Variants in OSBPL11 observed in about 807,000 individuals in gnomAD.
OSBPL11 encodes the protein oxysterol binding protein like 11, also known as oxysterol-binding protein-related protein 11.
A neutral mutation model predicts 84.4 loss-of-function variants in OSBPL11; 33 were observed. The observed-to-expected ratio is 0.39, with a 90% CI of 0.30 to 0.52. The LOEUF (loss-of-function observed/expected upper bound fraction) is 0.52, where lower values mean the gene tolerates loss of function less well. Ranked by LOEUF, OSBPL11 falls within the 20% of genes least tolerant of loss-of-function variation. The pLI, the probability that OSBPL11 is intolerant of heterozygous loss-of-function variation, is 0.72. For synonymous variants in OSBPL11, 276 were observed against 310.2 expected (o/e 0.89, Z 1.16); for missense variants, 736 against 901.1 (o/e 0.82, Z 2.35).
At chr3:125,574,033 C>T (rs1936280303) in intron 5 of OSBPL11, among the ~76,000 whole-genome samples, 1 of 152,106 alleles carries the variant, frequency 6.6e-6, no homozygotes, top group African/African-American at 2.4e-5. Flanking sequence ...AATTCTAGAA[C>T]AGTAATTCTC....
intron 1 of OSBPL11, among the ~76,000 whole-genome samples, chr3:125,593,744 A>G (rs1936637560): frequency 6.6e-6 from 1 of 152,170 alleles, no homozygotes; most frequent in African/African-American, 2.4e-5. Context: ...CTTGGCTTTA[A>G]TCCCTTCCAA....
chr3:125,570,149 C>T (rs1237858934), intron 5 of OSBPL11, among the ~76,000 whole-genome samples: 1 of 151,600 alleles, frequency 6.6e-6, no homozygotes, highest in Non-Finnish European at 1.5e-5. Flanking sequence ...GTGTAGAAGG[C>T]CCAAAAGAGC....
At chr3:125,592,743 TAA>T (rs1936617193) in intron 1 of OSBPL11, among the ~76,000 whole-genome samples, 1 of 151,572 alleles carries the variant, frequency 6.6e-6, no homozygotes, top group African/African-American at 2.4e-5. Flanking sequence ...GACATTTTAA[TAA>T]GAGATATCAA....
intron 11 of OSBPL11, among the ~76,000 whole-genome samples, chr3:125,535,569 G>A (rs891228683): frequency 2.0e-5 from 3 of 146,698 alleles, no homozygotes; most frequent in African/African-American, 7.6e-5. Context: ...TCAGCCTCCC[G>A]AGTAGCTGAG....
chr3:125,559,441 C>T (rs976616761), intron 8 of OSBPL11, among the ~76,000 whole-genome samples: 2 of 151,984 alleles, frequency 1.3e-5, no homozygotes, highest in African/African-American at 4.8e-5. Flanking sequence ...CAGACTGGAG[C>T]GCAGTGGCAC....
In OSBPL11 at chr3:125,594,643, T is replaced by C. The variant is rs959709653; in HGVS notation, c.158A>G (p.Gln53Arg). ...SSRGGSAKGWQYSDHMENVYG... is the reference protein window; with the variant it reads ...SSRGGSAKGWRYSDHMENVYG... Reference sequence around the variant, plus strand: ...TTTGGAGAAAGGAGCATACCTGTACTGCCAGCCTTTTGCACTGCCACCGCG... The same window carrying C: ...TTTGGAGAAAGGAGCATACCTGTACCGCCAGCCTTTTGCACTGCCACCGCG... The change falls in exon 1 of 13, where the codon CAG (glutamine) becomes CGG (arginine). Residue 53 changes from glutamine (Q) to arginine (R), a missense_variant. By Grantham distance (43) the Gln-to-Arg change is conservative (BLOSUM62 1). Transcript: ENST00000296220. The C allele has an allele frequency of 1.4e-5, 22 of 1,613,380 alleles. No homozygotes were observed. The highest frequency in any genetic ancestry group is 1.9e-5 in the Non-Finnish European group (22 of 1,179,974).
At chr3:125,545,072 A>G (rs912080931) in intron 10 of OSBPL11, among the ~76,000 whole-genome samples, 1 of 152,218 alleles carries the variant, frequency 6.6e-6, no homozygotes, top group Non-Finnish European at 1.5e-5. Flanking sequence ...CTTAGCTTCA[A>G]ATAGAAAATA....
At chr3:125,566,061 A>G (rs772081268) in intron 6 of OSBPL11, among the ~76,000 whole-genome samples, 1 of 152,156 alleles carries the variant, frequency 6.6e-6, no homozygotes, top group Non-Finnish European at 1.5e-5. Flanking sequence ...GCTGGAGCGC[A>G]GTGGCACGAT....
chr3:125,587,370 C>T (rs1936529478), intron 1 of OSBPL11, among the ~76,000 whole-genome samples: 2 of 152,086 alleles, frequency 1.3e-5, no homozygotes, highest in East Asian at 3.8e-4. Context: ...AATGAACCTG[C>T]AGGACTATAC....
At chr3:125,567,181 T>TA (rs1936169022) in intron 6 of OSBPL11, among the ~76,000 whole-genome samples, 1 of 152,202 alleles carries the variant, frequency 6.6e-6, no homozygotes, top group Non-Finnish European at 1.5e-5. Context: ...TCAGTGATAT[T>TA]AGACATTAGT....
chr3:125,562,465 C>A (rs1397840294), intron 7 of OSBPL11, among the ~76,000 whole-genome samples: 1 of 152,192 alleles, frequency 6.6e-6, no homozygotes, highest in Non-Finnish European at 1.5e-5. Flanking sequence ...CCCTTGCCTG[C>A]AATGCCTGTC....
At chr3:125,537,159 CA>C (rs574427912) in intron 11 of OSBPL11, among the ~76,000 whole-genome samples, 13,524 of 88,290 alleles carry the variant, frequency 0.15, 436 homozygotes, top group Admixed American at 0.19. Context: ...GACCCTGTCT[CA>C]AAAAAAAAAA....
In OSBPL11 at chr3:125,552,473, T is replaced by C. The variant is rs1459726218; in HGVS notation, c.1362A>G (p.Gly454=). 6.2e-7 allele frequency: 1 copy of C among 1,614,206 alleles called. No individual in the cohort carries two copies. The highest frequency in any genetic ancestry group is 1.1e-5 in the South Asian group (1 of 91,084). ...IAKKPYNPII[G]ETFHCSWKMP... ...TCTTCCAGGAACAGTGAAATGTTTC[T>C]CCAATGATAGGATTGTATGGTTTTT... Residue 454 remains glycine (G), a synonymous_variant, in exon 9 of 13, where the codon GGA becomes GGG. Transcript: ENST00000296220.
At chr3:125,593,568 C>A (rs528660397) in intron 1 of OSBPL11, among the ~76,000 whole-genome samples, 4 of 150,726 alleles carry the variant, frequency 2.7e-5, no homozygotes, top group Non-Finnish European at 5.9e-5. Context: ...GGTAGTGAGC[C>A]GAGATCGCGC....
At position 125,579,889 on chromosome 3, in the gene OSBPL11, T is replaced by C. The variant is rs770514443; in HGVS notation, c.385A>G (p.Ser129Gly). ...CCTCTGAGTTTATATTGTTCCCCAC[T>C]GGCAGCGTTTACAGTGAAGGTGTGA... ...DSHTFTVNAA[S>G]GEQYKLRATD... Residue 129 changes from serine to glycine, a missense_variant, in exon 3 of 13, where the codon AGT becomes GGT. Ser to Gly is a moderately conservative substitution (Grantham distance 56). Around this residue, in one of 3 missense-constraint regions of OSBPL11, gnomAD observed 43 missense variants for 78.7 expected, o/e 0.55. Transcript: ENST00000296220. The C allele has an allele frequency of 1.9e-6, 3 of 1,614,186 alleles. No homozygotes were observed. The highest frequency in any genetic ancestry group is 2.5e-6 in the Non-Finnish European group (3 of 1,180,030).
intron 1 of OSBPL11, among the ~76,000 whole-genome samples, chr3:125,586,482 T>G (rs2107612573): frequency 6.6e-6 from 1 of 152,264 alleles, no homozygotes; most frequent in East Asian, 1.9e-4. Flanking sequence ...ACTGCTTCAA[T>G]TCTTTAATCT....
At chr3:125,540,080 A>T (rs1429387778) in intron 10 of OSBPL11, among the ~76,000 whole-genome samples, 3 of 152,156 alleles carry the variant, frequency 2.0e-5, no homozygotes, top group Non-Finnish European at 4.4e-5. Flanking sequence ...GGAGCCCAAT[A>T]AGCAAATTAT....
intron 1 of OSBPL11, among the ~76,000 whole-genome samples, chr3:125,591,905 A>C (rs1291627258): frequency 1.3e-5 from 2 of 152,098 alleles, no homozygotes; most frequent in Admixed American, 6.5e-5. Context: ...CCAGAAGCTG[A>C]ATAGGAGGAT....
intron 9 of OSBPL11, among the ~76,000 whole-genome samples, chr3:125,551,203 A>C (rs920616782): frequency 6.8e-6 from 1 of 146,680 alleles, no homozygotes; most frequent in Non-Finnish European, 1.5e-5. Context: ...AAATTAAATT[A>C]AAAAAAAGGA....
Sources: gnomAD v4.1 joint callset for allele counts (sites outside exome capture counted in the v4.1 genomes callset) on GRCh38, gnomAD v4.1.1 for gene constraint, gnomAD v4.1.1 regional missense constraint, MANE v1.5 for transcripts, NCBI Gene and HGNC (gene_info 2026-07-23, HGNC 2026-07-21) for gene names.